Variants in CXADR observed in about 807,000 individuals in gnomAD.
The protein encoded by CXADR is CXADR cell adhesion molecule.
Under a neutral mutation model 40.3 loss-of-function variants are expected in CXADR, and 20 were observed. The observed-to-expected ratio is 0.50, with a 90% CI of 0.35 to 0.72. CXADR has a LOEUF of 0.72. Among genes scored for constraint, CXADR ranks in the 30% least tolerant of loss-of-function variants. The pLI is 0.01. For synonymous variants in CXADR, 150 were observed against 161.3 expected, an observed-to-expected ratio of 0.93 and a Z score of 0.53; for missense variants, 332 against 449.1, an observed-to-expected ratio of 0.74 and a Z score of 2.36.
At chr21:17,621,252 C>T in the CXADR span, among the ~76,000 whole-genome samples, 1 of 152,112 alleles carries the variant, frequency 6.6e-6, no homozygotes, top group African/African-American at 2.4e-5. Context: ...ACATAAATCC[C>T]CTAGTGAACC....
chr21:17,623,908 A>G, the CXADR span, among the ~76,000 whole-genome samples: 1 of 152,200 alleles, frequency 6.6e-6, no homozygotes, highest in Non-Finnish European at 1.5e-5. Context: ...TCAACCCAAC[A>G]TATCCAGAAT....
chr21:17,524,028 T>TTGTGTGTGTGTGTGCGTGTGTGTG (rs2060563694), intron 1 of CXADR, among the ~76,000 whole-genome samples: 1 of 148,682 alleles, frequency 6.7e-6, no homozygotes, highest in South Asian at 2.2e-4. Context: ...CCAGGCGATT[T>TTGTGTGTGTGTGTGCGTGTGTGTG]TGTGTGTGTG....
intron 4 of CXADR, among the ~76,000 whole-genome samples, chr21:17,560,197 A>T (rs1489255516): frequency 6.6e-6 from 1 of 152,150 alleles, no homozygotes; most frequent in Non-Finnish European, 1.5e-5. Flanking sequence ...GTTCAAACTG[A>T]TGACCAGGCT....
chr21:17,621,483 G>T, the CXADR span, among the ~76,000 whole-genome samples: 1 of 152,240 alleles, frequency 6.6e-6, no homozygotes, highest in South Asian at 2.1e-4. Context: ...ATAATAAATT[G>T]CTCACAATAC....
the CXADR span, chr21:17,608,799 G>A: frequency 1.7e-5 from 10 of 595,526 alleles, no homozygotes; most frequent in Non-Finnish European, 2.4e-5. Flanking sequence ...CCACCACTCC[G>A]CCAACAAATA....
At chr21:17,627,058 T>C in the CXADR span, 1 of 152,246 alleles carries the variant, frequency 6.6e-6, no homozygotes, top group African/African-American at 2.4e-5. Flanking sequence ...GGGTAAGGCA[T>C]TTTAAGAACT....
chr21:17,528,852 C>T lies in CXADR; in HGVS notation c.43+15680C>T, dbSNP rs78094833. ...GCCTTTCCCAACTCTCACACCCCTA[C>T]TGGTCTTCTGGCTACTTTAAAACCA... is the stretch of plus-strand genomic sequence containing the variant. On this transcript the variant is annotated intron_variant, in intron 1 of 6. Coordinates refer to ENST00000284878, the MANE Select transcript of CXADR (RefSeq NM_001338.5). Among the ~76,000 whole-genome samples the T allele has an allele frequency of 5.8e-3, 890 of 152,200 alleles. 37 individuals are homozygous for T. In the East Asian group the frequency reaches 0.11, roughly 19 times the overall value.
chr21:17,610,288 T>C, the CXADR span, among the ~76,000 whole-genome samples: 1 of 152,216 alleles, frequency 6.6e-6, no homozygotes, highest in Non-Finnish European at 1.5e-5. Flanking sequence ...ACTAAAACCA[T>C]TGAACTGTAC....
At chr21:17,587,204 T>G (rs2061403553) in intron 7 of CXADR, among the ~76,000 whole-genome samples, 1 of 152,212 alleles carries the variant, frequency 6.6e-6, no homozygotes, top group Non-Finnish European at 1.5e-5. Flanking sequence ...AACCTACGTG[T>G]GCATGTGTCC....
intron 7 of CXADR, among the ~76,000 whole-genome samples, chr21:17,583,484 G>C (rs1322086047): frequency 6.6e-6 from 1 of 152,130 alleles, no homozygotes; most frequent in Non-Finnish European, 1.5e-5. Context: ...TTGTTTTTCA[G>C]ATTTTCTCCA....
At chr21:17,611,364 A>G in the CXADR span, among the ~76,000 whole-genome samples, 2 of 152,176 alleles carry the variant, frequency 1.3e-5, no homozygotes, top group African/African-American at 4.8e-5. Flanking sequence ...CACATATCTG[A>G]GTTCTGGATT....
At chr21:17,595,368 G>C (rs941415359), downstream of CXADR, among the ~76,000 whole-genome samples, 1 of 151,636 alleles carries the variant, frequency 6.6e-6, no homozygotes, top group African/African-American at 2.4e-5. Flanking sequence ...AAGTACAAAA[G>C]GGTAAACTGT....
chr21:17,623,765 G>A, the CXADR span, among the ~76,000 whole-genome samples: 1 of 152,004 alleles, frequency 6.6e-6, no homozygotes, highest in South Asian at 2.1e-4. Flanking sequence ...CCATGGCTGG[G>A]ACCAAAAATT....
Position 17,567,182 on chromosome 21 carries a change from G to T in CXADR, c.*1490G>T. The T allele has an allele frequency of 1.0e-6, 1 of 985,254 alleles. No homozygotes were observed. Among genetic ancestry groups the T allele is most frequent in the Non-Finnish European group, 1.2e-6 (1 of 829,824 alleles). 61.0% of individuals were successfully genotyped at this position (985,254 alleles called of 1,614,324 possible). A position where few individuals can be genotyped will look rare whatever the true frequency, so the allele number is the denominator to read the frequency against. ...TAAAACCTTTCCCTAGATTTTAGTA[G>T]GGAGTTGGTTTCTGTTAATATCTTT... On this transcript the variant is annotated 3_prime_UTR_variant, in exon 7 of 7. Coordinates refer to ENST00000284878, the MANE Select transcript of CXADR (RefSeq NM_001338.5).
intron 3 of CXADR, among the ~76,000 whole-genome samples, chr21:17,556,488 T>G (rs531204554): frequency 1.3e-5 from 2 of 152,324 alleles, no homozygotes; most frequent in Admixed American, 1.3e-4. Context: ...ATAGAAAGGA[T>G]GAGCGTTAGA....
At chr21:17,584,295 AATG>A (rs779857134) in intron 7 of CXADR, among the ~76,000 whole-genome samples, 2 of 152,224 alleles carry the variant, frequency 1.3e-5, no homozygotes, top group Non-Finnish European at 2.9e-5. Flanking sequence ...GCCATCAATA[AATG>A]ATGATTTTTA....
At chr21:17,550,072 T>TCTAG (rs2060946210) in intron 2 of CXADR, among the ~76,000 whole-genome samples, 1 of 152,048 alleles carries the variant, frequency 6.6e-6, no homozygotes, top group African/African-American at 2.4e-5. Flanking sequence ...AAATAAAAGA[T>TCTAG]CTAGCTGGGC....
chr21:17,588,634 T>C (rs1268235194), intron 7 of CXADR, among the ~76,000 whole-genome samples: 2 of 152,170 alleles, frequency 1.3e-5, no homozygotes, highest in African/African-American at 2.4e-5. Context: ...TGTATATAAA[T>C]GTTTCTGGTT....
At chr21:17,618,541 T>G in the CXADR span, among the ~76,000 whole-genome samples, 2 of 151,904 alleles carry the variant, frequency 1.3e-5, no homozygotes, top group Non-Finnish European at 2.9e-5. Context: ...TTTCTTTTCT[T>G]TTTTTTTGGA....
Sources: gnomAD v4.1 joint callset for allele counts (sites outside exome capture counted in the v4.1 genomes callset) on GRCh38, gnomAD v4.1.1 for gene constraint, MANE v1.5 for transcripts, NCBI Gene and HGNC (gene_info 2026-07-23, HGNC 2026-07-21) for gene names.